The following FRAS1 variants were observed in gnomAD, a reference collection of about 807,000 sequenced individuals.
FRAS1 encodes Fraser extracellular matrix complex subunit 1.
In FRAS1, 290 loss-of-function variants were observed where a neutral mutation model predicts 435.2. That is an observed-to-expected ratio of 0.67 (90% CI 0.61 to 0.73). FRAS1 has a LOEUF of 0.73. Among genes scored for constraint, FRAS1 ranks in the 30% least tolerant of loss-of-function variants. The pLI, the probability that FRAS1 is intolerant of heterozygous loss-of-function variation, is 0.00. For missense variants in FRAS1, 4,860 were observed against 5,001.5 expected, an observed-to-expected ratio of 0.97 and a Z score of 0.85; for synonymous variants, 1,800 against 1,851.0, an observed-to-expected ratio of 0.97 and a Z score of 0.71.
intron 2 of FRAS1, among the ~76,000 whole-genome samples, chr4:78,182,372 C>T (rs1722055389): frequency 6.6e-6 from 1 of 152,088 alleles, no homozygotes; most frequent in Admixed American, 6.5e-5. Context: ...GGAAGGGTTC[C>T]TAAGAGAAGC....
chr4:78,218,426 C>G (rs778020421), intron 2 of FRAS1, among the ~76,000 whole-genome samples: 1 of 152,066 alleles, frequency 6.6e-6, no homozygotes, highest in Non-Finnish European at 1.5e-5. Flanking sequence ...TATGCATTTC[C>G]CAAGTTCAAT....
chr4:78,189,263 G>A (rs1034336706), intron 2 of FRAS1, among the ~76,000 whole-genome samples: 2 of 152,196 alleles, frequency 1.3e-5, no homozygotes, highest in Non-Finnish European at 2.9e-5. Flanking sequence ...AAAACTGGAG[G>A]ATAAAAGAAA....
At chr4:78,109,133 G>A (rs1468899872) in intron 2 of FRAS1, among the ~76,000 whole-genome samples, 1 of 69,842 alleles carries the variant, frequency 1.4e-5, no homozygotes, top group African/African-American at 6.4e-5. Flanking sequence ...AAAGAGTCCA[G>A]GACCAGATGG....
intron 2 of FRAS1, among the ~76,000 whole-genome samples, chr4:78,114,382 T>C (rs552317102): frequency 6.6e-6 from 1 of 152,294 alleles, no homozygotes; most frequent in East Asian, 1.9e-4. Flanking sequence ...CATTGGTAGG[T>C]TGATGGGGAT....
chr4:78,419,451 G>A (rs1368684705), intron 33 of FRAS1, among the ~76,000 whole-genome samples: 1 of 152,158 alleles, frequency 6.6e-6, no homozygotes, highest in Non-Finnish European at 1.5e-5. Flanking sequence ...ATATGTTCAG[G>A]ATAAGGAGTT....
chr4:78,084,537 A>G (rs553215496), intron 2 of FRAS1, among the ~76,000 whole-genome samples: 4 of 152,218 alleles, frequency 2.6e-5, no homozygotes, highest in East Asian at 1.9e-4. Flanking sequence ...AGGTCTATCA[A>G]TTAGTTGCTG....
intron 27 of FRAS1, among the ~76,000 whole-genome samples, chr4:78,383,499 G>A (rs916052804): frequency 2.6e-5 from 4 of 152,140 alleles, no homozygotes; most frequent in South Asian, 2.1e-4. Context: ...GTTGCAAATC[G>A]CCAGGGAAGA....
chr4:78,462,089 C>T (rs772520681), intron 47 of FRAS1, among the ~76,000 whole-genome samples: 19 of 150,116 alleles, frequency 1.3e-4, no homozygotes, highest in Non-Finnish European at 2.1e-4. Context: ...CACTTTACGC[C>T]GGAAGCAAAG....
intron 2 of FRAS1, among the ~76,000 whole-genome samples, chr4:78,131,957 T>A (rs1214217725): frequency 6.6e-6 from 1 of 152,224 alleles, no homozygotes; most frequent in Non-Finnish European, 1.5e-5. Flanking sequence ...ACCATCTCCA[T>A]GGGGATAGTT....
rs1725844679 is a variant in FRAS1, at chr4:78,257,397, A to G, written c.603+2022A>G. 2.0e-5 allele frequency among the ~76,000 whole-genome samples: 3 copies of G among 152,328 alleles called. No homozygotes were observed. The South Asian group carries it at 6.2e-4, about 32-fold the overall frequency. ...AACCATAATAATGATGTTTGCTAAC[A>G]TCAAGCCTTCCAAGAATGTTATATA... is the stretch of plus-strand genomic sequence containing the variant. On this transcript the variant is annotated intron_variant, in intron 6 of 73. Coordinates refer to ENST00000512123, the MANE Select transcript of FRAS1 (RefSeq NM_025074.7).
Position 78,282,980 on chromosome 4 carries a change from C to G in FRAS1, c.1255+13C>G. On this transcript the variant is annotated intron_variant, in intron 12 of 73. Coordinates refer to ENST00000512123, the MANE Select transcript of FRAS1 (RefSeq NM_025074.7). ...GACTGCACATCAGGTGGGTCCATGT[C>G]TCCTCTGTTTCTACTGAGATAGTTT... 6.8e-7 allele frequency: 1 copy of G among 1,473,150 alleles called. No homozygotes were observed. The highest frequency in any genetic ancestry group is 9.0e-7 in the Non-Finnish European group (1 of 1,113,130). The allele number at this position is 1,473,150 out of a possible 1,614,324, so 91.3% of individuals were successfully genotyped here. A position where few individuals can be genotyped will look rare whatever the true frequency, so the allele number is the denominator to read the frequency against.
chr4:78,412,316 T>G (rs1472853145), intron 31 of FRAS1, among the ~76,000 whole-genome samples: 1 of 152,024 alleles, frequency 6.6e-6, no homozygotes, highest in Admixed American at 6.5e-5. Flanking sequence ...AGAAAGAAGG[T>G]TTAAGAGGGT....
At chr4:78,477,527 AG>A (rs1719886380) in intron 54 of FRAS1, among the ~76,000 whole-genome samples, 1 of 152,306 alleles carries the variant, frequency 6.6e-6, no homozygotes, top group East Asian at 1.9e-4. Flanking sequence ...ATAATAAGAC[AG>A]GCTATAAAGA....
intron 6 of FRAS1, among the ~76,000 whole-genome samples, chr4:78,262,784 G>A (rs1358481071): frequency 6.6e-6 from 1 of 152,114 alleles, no homozygotes; most frequent in African/African-American, 2.4e-5. Flanking sequence ...AGTGGCATTA[G>A]TAATATGTTT....
At chr4:78,262,431 G>C (rs771727600) in intron 6 of FRAS1, among the ~76,000 whole-genome samples, 8 of 152,192 alleles carry the variant, frequency 5.3e-5, no homozygotes, top group Non-Finnish European at 1.2e-4. Flanking sequence ...CCACACATTG[G>C]AGGGAGGAAG....
chr4:78,130,163 T>C (rs917819569), intron 2 of FRAS1, among the ~76,000 whole-genome samples: 1 of 148,416 alleles, frequency 6.7e-6, no homozygotes, highest in Admixed American at 6.8e-5. Context: ...TGTGACTGCA[T>C]GTAATGCTGG....
intron 2 of FRAS1, among the ~76,000 whole-genome samples, chr4:78,218,090 ACTCTCT>A (rs376208393): frequency 1.4e-4 from 2 of 14,548 alleles, no homozygotes; most frequent in Non-Finnish European, 1.6e-4. Context: ...TCTCTCTCTC[ACTCTCT>A]CTCACACACA....
At chr4:78,498,257 C>T (rs1578359198) in intron 60 of FRAS1, among the ~76,000 whole-genome samples, 2 of 152,134 alleles carry the variant, frequency 1.3e-5, no homozygotes, top group East Asian at 3.8e-4. Flanking sequence ...TGCCTGTAAT[C>T]CCAGCACTTT....
intron 18 of FRAS1, among the ~76,000 whole-genome samples, chr4:78,326,343 A>T (rs927780274): frequency 3.3e-5 from 5 of 152,176 alleles, no homozygotes; most frequent in Non-Finnish European, 5.9e-5. Flanking sequence ...GTGATAGAAA[A>T]GTAGAAGATT....
Sources: allele counts gnomAD v4.1 joint callset (sites outside exome capture counted in the v4.1 genomes callset), GRCh38; gene constraint gnomAD v4.1.1; transcripts MANE v1.5; gene names NCBI Gene and HGNC (gene_info 2026-07-23, HGNC 2026-07-21).